Variants in RNLS observed in about 807,000 individuals in gnomAD.
RNLS encodes the protein renalase.
In RNLS, 39 loss-of-function variants were observed where a neutral mutation model predicts 39.8. The observed-to-expected ratio is 0.98, with a 90% confidence interval of 0.76 to 1.28. RNLS has a LOEUF of 1.28. Among genes scored for constraint, RNLS ranks in the 50% most tolerant of loss-of-function variants. The probability of loss-of-function intolerance (pLI) is 0.00; values close to 1 mark genes in which losing one functional copy is unlikely to be tolerated. For synonymous variants in RNLS, 147 were observed against 150.7 expected (o/e 0.98, Z 0.18); for missense variants, 410 against 413.3 (o/e 0.99, Z 0.07).
intron 4 of RNLS, among the ~76,000 whole-genome samples, chr10:88,363,188 C>T (rs1849774600): frequency 6.6e-6 from 1 of 151,708 alleles, no homozygotes; most frequent in Non-Finnish European, 1.5e-5. Flanking sequence ...CTGTTATGAC[C>T]TCTTAAATTA....
chr10:88,482,566 C>T (rs929676964), intron 4 of RNLS, among the ~76,000 whole-genome samples: 19 of 151,984 alleles, frequency 1.3e-4, no homozygotes, highest in Non-Finnish European at 2.8e-4. Flanking sequence ...TCATAATTTC[C>T]TATAATTCTT....
chr10:88,195,061 C>A, the RNLS span, among the ~76,000 whole-genome samples: 6 of 152,154 alleles, frequency 3.9e-5, no homozygotes, highest in Admixed American at 6.5e-5. Flanking sequence ...GTGTTGGATC[C>A]AAATTCCCTC....
the RNLS span, among the ~76,000 whole-genome samples, chr10:88,210,725 T>A: frequency 6.6e-6 from 1 of 152,074 alleles, no homozygotes; most frequent in Non-Finnish European, 1.5e-5. Context: ...TCCAGTGGAG[T>A]TGAGCTTGAG....
At chr10:88,304,548 AC>A (rs1844780726) in intron 6 of RNLS, among the ~76,000 whole-genome samples, 1 of 152,218 alleles carries the variant, frequency 6.6e-6, no homozygotes, top group African/African-American at 2.4e-5. Context: ...TAATGCAATC[AC>A]TAGTATTAGC....
intron 4 of RNLS, among the ~76,000 whole-genome samples, chr10:88,445,555 T>C (rs944238401): frequency 6.6e-6 from 1 of 152,142 alleles, no homozygotes; most frequent in African/African-American, 2.4e-5. Flanking sequence ...CAGTGTGCTG[T>C]ATTCAGGAGA....
At chr10:88,248,790 T>C in the RNLS span, among the ~76,000 whole-genome samples, 1 of 152,118 alleles carries the variant, frequency 6.6e-6, no homozygotes, top group Non-Finnish European at 1.5e-5. Flanking sequence ...ACATGACAAA[T>C]GACCACCACA....
chr10:88,282,603 G>A (rs552342841), downstream of RNLS, among the ~76,000 whole-genome samples: 11 of 151,966 alleles, frequency 7.2e-5, no homozygotes, highest in African/African-American at 1.7e-4. Flanking sequence ...GTGGGTAGGC[G>A]GGGGGTGGGG....
intron 5 of RNLS, among the ~76,000 whole-genome samples, chr10:88,344,936 C>T (rs553721656): frequency 6.6e-6 from 1 of 152,138 alleles, no homozygotes; most frequent in South Asian, 2.1e-4. Context: ...AATTCAATGT[C>T]CTGTACAGTA....
At chr10:88,461,252 C>T (rs989722275) in intron 4 of RNLS, among the ~76,000 whole-genome samples, 1 of 152,030 alleles carries the variant, frequency 6.6e-6, no homozygotes, top group African/African-American at 2.4e-5. Context: ...TAAAGGTTGC[C>T]AAGGGCTAAG....
At chr10:88,550,344 T>C (rs1286338055) in intron 4 of RNLS, among the ~76,000 whole-genome samples, 1 of 152,200 alleles carries the variant, frequency 6.6e-6, no homozygotes, top group Non-Finnish European at 1.5e-5. Flanking sequence ...GGTGATGGAA[T>C]AGTTGAGGCC....
chr10:88,236,711 G>T, the RNLS span, among the ~76,000 whole-genome samples: 2 of 152,256 alleles, frequency 1.3e-5, no homozygotes, highest in East Asian at 3.9e-4. Context: ...AATAGGTATT[G>T]AACGCTTACC....
intron 4 of RNLS, among the ~76,000 whole-genome samples, chr10:88,451,500 T>C (rs1484821024): frequency 1.3e-5 from 2 of 152,162 alleles, no homozygotes; most frequent in Admixed American, 1.3e-4. Flanking sequence ...CACTGAGCAA[T>C]GCAGCCAAAG....
At chr10:88,319,957 G>T (rs10887801) in intron 5 of RNLS, among the ~76,000 whole-genome samples, 60,182 of 151,466 alleles carry the variant, frequency 0.4, 12,260 homozygotes, top group East Asian at 0.53. Flanking sequence ...AGATACTACA[G>T]AAGATGATAG....
At chr10:88,425,680 A>G (rs1467477078) in intron 4 of RNLS, among the ~76,000 whole-genome samples, 2 of 152,146 alleles carry the variant, frequency 1.3e-5, no homozygotes, top group South Asian at 2.1e-4. Flanking sequence ...TAAAAATGAT[A>G]GCTAAAAATA....
intron 4 of RNLS, among the ~76,000 whole-genome samples, chr10:88,503,825 A>G (rs1384580137): frequency 6.6e-6 from 1 of 152,202 alleles, no homozygotes; most frequent in Non-Finnish European, 1.5e-5. Flanking sequence ...AGTTTATAAA[A>G]TATAGCAGAC....
chr10:88,443,906 C>T (rs1349486740), intron 4 of RNLS, among the ~76,000 whole-genome samples: 1 of 152,218 alleles, frequency 6.6e-6, no homozygotes, highest in Non-Finnish European at 1.5e-5. Context: ...CAGGGCATAG[C>T]CGAACAAAAG....
chr10:88,261,502 T>G, the RNLS span, among the ~76,000 whole-genome samples: 503 of 152,310 alleles, frequency 3.3e-3, 4 homozygotes, highest in African/African-American at 0.011. Context: ...GATCCACCAT[T>G]GCAAGGGGAA....
the RNLS span, among the ~76,000 whole-genome samples, chr10:88,197,181 C>T: frequency 5.3e-5 from 8 of 152,184 alleles, no homozygotes; most frequent in Non-Finnish European, 8.8e-5. Context: ...CTCAGTTTCT[C>T]CATCTGTTGA....
intron 4 of RNLS, among the ~76,000 whole-genome samples, chr10:88,455,517 C>T (rs1335474810): frequency 6.6e-6 from 1 of 152,140 alleles, no homozygotes; most frequent in African/African-American, 2.4e-5. Flanking sequence ...CGCCATTCTC[C>T]TGCCTCAGCC....
Sources: allele counts gnomAD v4.1 joint callset (sites outside exome capture counted in the v4.1 genomes callset), GRCh38; gene constraint gnomAD v4.1.1; transcripts MANE v1.5; gene names NCBI Gene and HGNC (gene_info 2026-07-23, HGNC 2026-07-21).